Variants in NCOR2 observed in about 807,000 individuals in gnomAD.
NCOR2 encodes CTG repeat protein 26.
Under a neutral mutation model 262.9 loss-of-function variants are expected in NCOR2, and 81 were observed. The ratio of observed to expected loss-of-function variants is 0.31; its 90% CI spans 0.26 to 0.37. The LOEUF (loss-of-function observed/expected upper bound fraction) is 0.37, where lower values mean the gene tolerates loss of function less well. NCOR2 is among the 10% of genes least tolerant of loss of function. The pLI is 1.00. For synonymous variants in NCOR2, 1,659 were observed against 1,559.3 expected (o/e 1.06, Z -1.51); for missense variants, 3,385 against 3,621.4 (o/e 0.93, Z 1.68).
At chr12:124,390,990 T>G (rs2041265359) in intron 16 of NCOR2, among the ~76,000 whole-genome samples, 1 of 152,194 alleles carries the variant, frequency 6.6e-6, no homozygotes, top group African/African-American at 2.4e-5. Flanking sequence ...GGGCTAATCC[T>G]CCTCTGGGCA....
At chr12:124,333,937 TG>T (rs1468660781) in intron 41 of NCOR2, among the ~76,000 whole-genome samples, 1 of 149,546 alleles carries the variant, frequency 6.7e-6, no homozygotes, top group Non-Finnish European at 1.5e-5. Context: ...TGCGCGCGCA[TG>T]TGTGTGGGTG....
chr12:124,561,412 T>A (rs1285633771), intron 1 of NCOR2, among the ~76,000 whole-genome samples: 1 of 152,146 alleles, frequency 6.6e-6, no homozygotes, highest in Non-Finnish European at 1.5e-5. Context: ...AGGGCCAGAA[T>A]GGAAGGAGAC....
At chr12:124,358,237 T>G (rs1044151832) in intron 22 of NCOR2, among the ~76,000 whole-genome samples, 2 of 149,544 alleles carry the variant, frequency 1.3e-5, no homozygotes, top group Admixed American at 1.3e-4. Flanking sequence ...TGCATGGATG[T>G]GTGTATGTGC....
At position 124,517,763 on chromosome 12, in the gene NCOR2, A is replaced by G. The variant is rs532070284; in HGVS notation, c.-118+17802T>C. ...GGGTCCCCTCCCACGCGGGCCGGCC[A>G]AGAAGCCTCACCCCGGCCTGCCCGG... On this transcript the variant is annotated intron_variant, in intron 1 of 46. Transcript: ENST00000404621. This position sits in a 1 kb window ranked among gnomAD's most constrained non-coding sequence, Gnocchi z 7.6. Among the ~76,000 whole-genome samples the G allele has an allele frequency of 7.6e-4, 116 of 152,248 alleles. No individual in the cohort carries two copies. The highest frequency in any genetic ancestry group is 2.7e-3 in the African/African-American group (114 of 41,560).
Position 124,340,148 on chromosome 12 carries a change from C to A in NCOR2, c.5545G>T (p.Ala1849Ser), listed in dbSNP as rs200488675. The change falls in exon 37 of 47, where the codon GCC becomes TCC. Residue 1849 changes from alanine (A) to serine (S), a missense_variant. Coordinates refer to ENST00000405201, the Ensembl canonical transcript of NCOR2. The stretch of plus-strand genomic sequence containing the variant: ...TGCTGGTGGGCATGGGAGTGGGAGG[C>A]GGGGCGGCTGCTGCTGCCCCCACCC... 6.3e-7 allele frequency: 1 copy of A among 1,599,530 alleles called. No individual in the cohort carries two copies. Among genetic ancestry groups the A allele is most frequent in the South Asian group, 1.1e-5 (1 of 90,396 alleles).
rs928786667 is a variant in NCOR2, at chr12:124,481,538, T to C, written c.411+2058A>G. Among the ~76,000 whole-genome samples, 1 of 152,040 alleles carries C rather than the reference T, an allele frequency of 6.6e-6. No individual in the cohort carries two copies. Among genetic ancestry groups the C allele is most frequent in the African/African-American group, 2.4e-5 (1 of 41,392 alleles). On this transcript the variant is annotated intron_variant, in intron 3 of 46. Transcript: ENST00000405201. This position sits in a 1 kb window ranked among gnomAD's most constrained non-coding sequence, Gnocchi z 4.6. ...AGGAGCGAGGAAAGAGGAATGTGCCTGGGGGAGGGCGCTCCTGCGGAGGGC... is the reference window on the plus strand; with the variant it reads ...AGGAGCGAGGAAAGAGGAATGTGCCCGGGGGAGGGCGCTCCTGCGGAGGGC...
At chr12:124,496,984 G>A (rs192023034), upstream of NCOR2, among the ~76,000 whole-genome samples, 30 of 152,320 alleles carry the variant, frequency 2.0e-4, no homozygotes, top group African/African-American at 5.8e-4. The surrounding 1 kb of genome is among the most constrained non-coding windows in gnomAD (Gnocchi z 4.4). Flanking sequence ...CACGCCCACC[G>A]GCAGGAAGGC....
chr12:124,561,339 A>T (rs1415508735), intron 1 of NCOR2, among the ~76,000 whole-genome samples: 2 of 152,162 alleles, frequency 1.3e-5, no homozygotes, highest in Non-Finnish European at 2.9e-5. Flanking sequence ...CTAAAATTTC[A>T]TCCCCCGGTT....
chr12:124,533,582 C>T (rs1010918251), intron 1 of NCOR2, among the ~76,000 whole-genome samples: 1 of 152,184 alleles, frequency 6.6e-6, no homozygotes, highest in Non-Finnish European at 1.5e-5. Flanking sequence ...GTCTGTCTCC[C>T]CGCAGGGAGG....
intron 16 of NCOR2, among the ~76,000 whole-genome samples, chr12:124,390,141 G>A (rs2041187626): frequency 6.6e-6 from 1 of 152,196 alleles, no homozygotes; most frequent in African/African-American, 2.4e-5. Flanking sequence ...CTCTCCACCT[G>A]AGTCCTGCCC....
At chr12:124,333,893 T>C (rs1357104048) in intron 41 of NCOR2, among the ~76,000 whole-genome samples, 2 of 132,300 alleles carry the variant, frequency 1.5e-5, no homozygotes, top group Non-Finnish European at 3.4e-5. Flanking sequence ...TGCATGTGTG[T>C]GTGCGCGCGC....
chr12:124,547,865 T>TA (rs1566049227), intron 1 of NCOR2, among the ~76,000 whole-genome samples: 2 of 152,244 alleles, frequency 1.3e-5, no homozygotes, highest in Non-Finnish European at 1.5e-5. Context: ...CATGGCTGAA[T>TA]AATATTCCAT....
intron 17 of NCOR2, among the ~76,000 whole-genome samples, chr12:124,383,086 C>T (rs984239931): frequency 5.3e-5 from 8 of 152,188 alleles, no homozygotes; most frequent in African/African-American, 1.9e-4. Flanking sequence ...ACCACCAGCA[C>T]CATCACAGCT....
chr12:124,325,628 G>A (rs10846657), intron 46 of NCOR2, 45 bp from the exon 49 acceptor site: 736,661 of 1,240,442 alleles, frequency 0.59, 228,453 homozygotes, highest in Middle Eastern at 0.64. Flanking sequence ...CTGTGAGCCC[G>A]GCAGCCCCTG....
chr12:124,378,158 G>A lies in NCOR2; in HGVS notation c.2167+79C>T, dbSNP rs1593283493. The A allele has an allele frequency of 2.1e-5, 32 of 1,550,362 alleles. No individual in the cohort carries two copies. Among genetic ancestry groups the A allele is most frequent in the East Asian group, 1.1e-4 (5 of 44,286 alleles). On this transcript the variant is annotated intron_variant, in intron 18 of 46. Transcript: ENST00000405201. The surrounding 1 kb of genome is among the most constrained non-coding windows in gnomAD (Gnocchi z 4.2). ...ATGACTCAGGGGAGAGGAGGCTGCC[G>A]GGATCAGTTCCCGCTATGCCCTCCC...
At chr12:124,325,281 C>T (rs1000310115) in exon 47 of NCOR2, 39 of 567,838 alleles carry the variant, frequency 6.9e-5, no homozygotes, top group South Asian at 6.2e-5. Context: ...TGGATGGAGG[C>T]GCAGGCGGAC....
intron 8 of NCOR2, among the ~76,000 whole-genome samples, chr12:124,433,863 C>CACACACACACACACACACACACAA (rs2044141688): frequency 5.0e-5 from 3 of 60,268 alleles, no homozygotes; most frequent in Non-Finnish European, 9.3e-5. Flanking sequence ...CACACACACA[C>CACACACACACACACACACACACAA]ACACACACAC....
intron 10 of NCOR2, among the ~76,000 whole-genome samples, chr12:124,427,212 G>A (rs1011957352): frequency 8.5e-5 from 13 of 152,130 alleles, no homozygotes; most frequent in Non-Finnish European, 1.2e-4. Context: ...GGGTCCAGCT[G>A]GCCCCACAGC....
intron 32 of NCOR2, among the ~76,000 whole-genome samples, chr12:124,344,299 A>G (rs1420335792): frequency 6.6e-6 from 1 of 152,204 alleles, no homozygotes; most frequent in Non-Finnish European, 1.5e-5. Context: ...GAAGTGGAAT[A>G]ATATGATTTG....
Sources: allele counts gnomAD v4.1 joint callset (sites outside exome capture counted in the v4.1 genomes callset), GRCh38; gene constraint gnomAD v4.1.1; non-coding constraint Gnocchi (gnomAD v3.1); transcripts MANE v1.5; gene names NCBI Gene and HGNC (gene_info 2026-07-23, HGNC 2026-07-21).